RALYL: variants seen among roughly 807,000 people sequenced by gnomAD.
The protein encoded by RALYL is RALY RNA binding protein like, also known as RNA-binding Raly-like protein.
In RALYL, 29 loss-of-function variants were observed where a neutral mutation model predicts 35.1. The observed-to-expected ratio is 0.83, with a 90% CI of 0.61 to 1.13. The LOEUF is 1.13. Ranked by LOEUF, RALYL falls within the 50% of genes most tolerant of loss-of-function variation. RALYL has a pLI of 0.00. For synonymous variants in RALYL, 120 were observed against 127.6 expected (o/e 0.94, Z 0.40); for missense variants, 359 against 360.4 (o/e 1.00, Z 0.03).
intron 1 of RALYL, among the ~76,000 whole-genome samples, chr8:84,443,244 G>A (rs941914548): frequency 3.3e-5 from 5 of 152,126 alleles, no homozygotes; most frequent in African/African-American, 1.2e-4. Flanking sequence ...CAAAGAGCTA[G>A]TAGAGACTGT....
At chr8:84,559,994 C>A (rs1332933856) in intron 2 of RALYL, among the ~76,000 whole-genome samples, 4 of 149,480 alleles carry the variant, frequency 2.7e-5, no homozygotes, top group Non-Finnish European at 5.9e-5. Context: ...TTTTTAATTG[C>A]CTCAAATGGA....
intron 1 of RALYL, among the ~76,000 whole-genome samples, chr8:84,371,564 C>G (rs1855711171): frequency 6.7e-6 from 1 of 148,604 alleles, no homozygotes; most frequent in African/African-American, 2.6e-5. Context: ...CACACACACA[C>G]ACACACACAG....
chr8:84,200,349 A>G (rs1380178977), intron 1 of RALYL, among the ~76,000 whole-genome samples: 1 of 152,146 alleles, frequency 6.6e-6, no homozygotes, highest in South Asian at 2.1e-4. Flanking sequence ...AGCAAACGTC[A>G]TTTCAGGTAT....
At chr8:84,704,480 C>CAGA (rs56942044) in intron 2 of RALYL, among the ~76,000 whole-genome samples, 1 of 139,508 alleles carries the variant, frequency 7.2e-6, no homozygotes, top group Non-Finnish European at 1.5e-5. Flanking sequence ...CACACACACA[C>CAGA]ACAACAACTC....
At chr8:84,513,624 T>G (rs535571576) in intron 1 of RALYL, among the ~76,000 whole-genome samples, 1 of 152,302 alleles carries the variant, frequency 6.6e-6, no homozygotes, top group Non-Finnish European at 1.5e-5. Flanking sequence ...TTTGTAACTT[T>G]TATTATCTTG....
At chr8:84,583,771 G>A (rs1467727012) in intron 2 of RALYL, among the ~76,000 whole-genome samples, 1 of 152,060 alleles carries the variant, frequency 6.6e-6, no homozygotes, top group Non-Finnish European at 1.5e-5. Context: ...ACTGCTAGGA[G>A]GCTAAGGTAT....
chr8:84,908,144 A>G (rs984628512), intron 8 of RALYL, among the ~76,000 whole-genome samples: 2 of 152,184 alleles, frequency 1.3e-5, no homozygotes, highest in Non-Finnish European at 2.9e-5. Context: ...ATGTACACAT[A>G]TGTAGAATGA....
chr8:84,689,522 G>T (rs1213911102), intron 2 of RALYL, among the ~76,000 whole-genome samples: 5 of 152,068 alleles, frequency 3.3e-5, no homozygotes, highest in African/African-American at 1.2e-4. Flanking sequence ...ATTGTGAATA[G>T]TGCCGCAATA....
chr8:84,824,827 T>A lies in RALYL; in HGVS notation c.365+20025T>A, dbSNP rs1287298949. Among the ~76,000 whole-genome samples the A allele has an allele frequency of 3.9e-5, 6 of 152,190 alleles. 1 individual carries two copies. The East Asian group carries it at 1.2e-3, about 29-fold the overall frequency. On this transcript the variant is annotated intron_variant, in intron 4 of 8. Transcript: ENST00000521268. ...CTAACCATATGCAGAAGAATGAATC[T>A]GGACCCCTACCTTTCACCAGATACA...
intron 1 of RALYL, among the ~76,000 whole-genome samples, chr8:84,242,179 G>T (rs901587007): frequency 3.9e-5 from 6 of 152,134 alleles, no homozygotes; most frequent in African/African-American, 1.2e-4. Flanking sequence ...AACAGACACG[G>T]TCTTATTCCT....
chr8:84,459,619 T>G (rs1238575371), intron 1 of RALYL, among the ~76,000 whole-genome samples: 1 of 151,772 alleles, frequency 6.6e-6, no homozygotes, highest in Non-Finnish European at 1.5e-5. Flanking sequence ...TGTTTCTAAC[T>G]GTGGGAAATG....
At chr8:84,280,444 C>G (rs1399323936) in intron 1 of RALYL, among the ~76,000 whole-genome samples, 3 of 151,872 alleles carry the variant, frequency 2.0e-5, no homozygotes, top group Non-Finnish European at 1.5e-5. Flanking sequence ...ACTAAATAAA[C>G]AGTATGTTAC....
intron 1 of RALYL, among the ~76,000 whole-genome samples, chr8:84,291,355 G>A (rs1838739377): frequency 6.6e-6 from 1 of 152,038 alleles, no homozygotes; most frequent in Non-Finnish European, 1.5e-5. Context: ...TTAGTAAAAA[G>A]GTACAGAAGT....
At chr8:84,838,733 C>T (rs1033645635) in intron 4 of RALYL, among the ~76,000 whole-genome samples, 1 of 152,150 alleles carries the variant, frequency 6.6e-6, no homozygotes, top group Non-Finnish European at 1.5e-5. Flanking sequence ...ATTTAAGCAG[C>T]AACTGAGAAA....
intron 2 of RALYL, among the ~76,000 whole-genome samples, chr8:84,553,765 G>A (rs546719490): frequency 8.6e-5 from 13 of 151,948 alleles, no homozygotes; most frequent in African/African-American, 3.1e-4. Context: ...TCAAGCTACA[G>A]GTGGCAGTGG....
At chr8:84,297,421 G>A (rs1450349915) in intron 1 of RALYL, among the ~76,000 whole-genome samples, 4 of 152,048 alleles carry the variant, frequency 2.6e-5, no homozygotes, top group African/African-American at 9.7e-5. Context: ...ATTCTATGGT[G>A]TATATGTACC....
chr8:84,733,086 G>T (rs1329717187), intron 2 of RALYL, among the ~76,000 whole-genome samples: 1 of 152,070 alleles, frequency 6.6e-6, no homozygotes, highest in Non-Finnish European at 1.5e-5. Flanking sequence ...AAGTCATAGT[G>T]ACCGATAAAA....
chr8:84,365,624 T>C (rs1294786213), intron 1 of RALYL, among the ~76,000 whole-genome samples: 2 of 152,176 alleles, frequency 1.3e-5, no homozygotes, highest in Admixed American at 6.6e-5. Flanking sequence ...ATGAAAGCAG[T>C]GAGTTACTTA....
intron 1 of RALYL, among the ~76,000 whole-genome samples, chr8:84,254,052 G>A (rs1159055971): frequency 6.6e-6 from 1 of 152,138 alleles, no homozygotes; most frequent in Non-Finnish European, 1.5e-5. Context: ...TAAATCTCAA[G>A]TCCTGGGGAC....
Sources: allele counts gnomAD v4.1 joint callset (sites outside exome capture counted in the v4.1 genomes callset), GRCh38; gene constraint gnomAD v4.1.1; transcripts MANE v1.5; gene names NCBI Gene and HGNC (gene_info 2026-07-23, HGNC 2026-07-21).